RASEF: variants seen among roughly 807,000 people sequenced by gnomAD.
The protein encoded by RASEF is ras and EF-hand domain-containing protein.
RASEF carries 68 observed loss-of-function variants against 90.1 expected under a neutral mutation model. The ratio of observed to expected loss-of-function variants is 0.75; its 90% CI spans 0.62 to 0.92. The LOEUF (loss-of-function observed/expected upper bound fraction) is 0.92, where lower values mean the gene tolerates loss of function less well. Ranked by LOEUF, RASEF falls within the 40% of genes least tolerant of loss-of-function variation. RASEF has a pLI of 0.00. For missense variants in RASEF, 949 were observed against 937.2 expected (o/e 1.01, Z -0.16); for synonymous variants, 331 against 345.2 (o/e 0.96, Z 0.46).
chr9:83,201,457 C>T, the RASEF span, among the ~76,000 whole-genome samples: 1 of 152,134 alleles, frequency 6.6e-6, no homozygotes, highest in Admixed American at 6.5e-5. Context: ...GAGACACTCC[C>T]AAATAGTAAG....
the RASEF span, among the ~76,000 whole-genome samples, chr9:83,139,019 C>T: frequency 3.2e-4 from 48 of 152,172 alleles, no homozygotes; most frequent in East Asian, 8.9e-3. Flanking sequence ...ACATCAGGCT[C>T]TCTGTAAGTC....
intron 3 of RASEF, among the ~76,000 whole-genome samples, chr9:83,017,045 C>T (rs1829354312): frequency 6.6e-6 from 1 of 152,110 alleles, no homozygotes; most frequent in South Asian, 2.1e-4. Flanking sequence ...ACAATTTCTG[C>T]CTGCCTCACA....
intron 9 of RASEF, among the ~76,000 whole-genome samples, chr9:83,001,868 A>T (rs1423623203): frequency 6.6e-6 from 1 of 152,202 alleles, no homozygotes; most frequent in Non-Finnish European, 1.5e-5. Flanking sequence ...AAATGTTGAC[A>T]CACCGTCTGG....
the RASEF span, among the ~76,000 whole-genome samples, chr9:83,148,330 G>A: frequency 1.3e-5 from 2 of 152,292 alleles, no homozygotes; most frequent in Non-Finnish European, 2.9e-5. Context: ...GCCCCAGCAT[G>A]TAAGATGGGA....
intron 9 of RASEF, among the ~76,000 whole-genome samples, chr9:83,002,185 A>G (rs888774998): frequency 6.6e-6 from 1 of 152,216 alleles, no homozygotes; most frequent in Non-Finnish European, 1.5e-5. Flanking sequence ...AATGGGCACG[A>G]TACATAGGTC....
chr9:83,137,055 T>C, the RASEF span, among the ~76,000 whole-genome samples: 1 of 152,140 alleles, frequency 6.6e-6, no homozygotes, highest in Non-Finnish European at 1.5e-5. Flanking sequence ...TGTACTTCTT[T>C]ATTTCATATA....
chr9:83,167,161 C>T, the RASEF span, among the ~76,000 whole-genome samples: 2 of 151,930 alleles, frequency 1.3e-5, no homozygotes, highest in Admixed American at 6.6e-5. Context: ...AGAACAGTGC[C>T]TGACACAAAA....
At chr9:83,160,937 TG>T in the RASEF span, among the ~76,000 whole-genome samples, 1 of 152,190 alleles carries the variant, frequency 6.6e-6, no homozygotes, top group Non-Finnish European at 1.5e-5. Context: ...GTGTTGAGCC[TG>T]TAGGTGCACA....
chr9:83,056,209 G>GCAAGTACA (rs1830101413), intron 1 of RASEF, among the ~76,000 whole-genome samples: 2 of 152,154 alleles, frequency 1.3e-5, no homozygotes, highest in Non-Finnish European at 2.9e-5. Flanking sequence ...ATATTTACAA[G>GCAAGTACA]TTGAAGCAAT....
chr9:83,048,518 C>T, intron 1 of RASEF: 3 of 983,962 alleles, frequency 3.0e-6, no homozygotes, highest in African/African-American at 3.5e-5. Flanking sequence ...CAGTCCTGGG[C>T]ATACAGTGGA....
At chr9:83,149,249 G>A in the RASEF span, among the ~76,000 whole-genome samples, 1 of 152,182 alleles carries the variant, frequency 6.6e-6, no homozygotes, top group Non-Finnish European at 1.5e-5. Flanking sequence ...TACAGATATT[G>A]TGCCTGTCCT....
At chr9:83,028,007 T>C (rs1829577723) in intron 1 of RASEF, among the ~76,000 whole-genome samples, 1 of 152,138 alleles carries the variant, frequency 6.6e-6, no homozygotes. Context: ...GTTGTGACAG[T>C]AGCAACACTT....
rs774488135 is a variant in RASEF at position 83,062,525 on chromosome 9, G to GCGC, written c.340_342dup (p.Ala114dup). 2 of 1,608,638 alleles carry GCGC rather than the reference G, an allele frequency of 1.2e-6. No individual in the cohort carries two copies. Among genetic ancestry groups the GCGC allele is most frequent in the Non-Finnish European group, 1.7e-6 (2 of 1,178,076 alleles). On this transcript the variant is annotated inframe_insertion, in exon 1 of 17. Coordinates refer to ENST00000376447, the MANE Select transcript of RASEF (RefSeq NM_152573.4). ...CTCGCCGGGCCGCACGAGGTGGCCA[G>GCGC]CGCCGCCGCCGCGTCCTCGTCGCCT...
At chr9:83,079,497 C>T in the RASEF span, among the ~76,000 whole-genome samples, 1 of 152,148 alleles carries the variant, frequency 6.6e-6, no homozygotes, top group Non-Finnish European at 1.5e-5. Context: ...AACCAGAACT[C>T]TAAGAACTCA....
chr9:83,018,799 T>C (rs940717847), intron 3 of RASEF, among the ~76,000 whole-genome samples: 6 of 152,072 alleles, frequency 3.9e-5, no homozygotes, highest in African/African-American at 1.2e-4. Context: ...CAATGTAATA[T>C]TGGCATAACA....
At chr9:83,084,043 G>A in the RASEF span, among the ~76,000 whole-genome samples, 12 of 151,812 alleles carry the variant, frequency 7.9e-5, no homozygotes, top group Admixed American at 2.0e-4. Context: ...GGAATATTAC[G>A]CAAGCATCAA....
the RASEF span, among the ~76,000 whole-genome samples, chr9:83,088,884 T>C: frequency 7.9e-5 from 12 of 152,136 alleles, 1 homozygote; most frequent in South Asian, 1.7e-3. Flanking sequence ...AATGTCAGCC[T>C]TTTAAGTAGA....
At chr9:83,144,318 AG>A in the RASEF span, among the ~76,000 whole-genome samples, 1 of 115,876 alleles carries the variant, frequency 8.6e-6, no homozygotes, top group African/African-American at 3.5e-5. Flanking sequence ...ACTAAAAGAA[AG>A]AAAGAAGGAA....
chr9:83,189,905 A>T, the RASEF span, among the ~76,000 whole-genome samples: 2 of 152,196 alleles, frequency 1.3e-5, no homozygotes, highest in African/African-American at 4.8e-5. Flanking sequence ...ATCAAAGGGA[A>T]CCCAATTCCA....
Sources: gnomAD v4.1 joint callset for allele counts (sites outside exome capture counted in the v4.1 genomes callset) on GRCh38, gnomAD v4.1.1 for gene constraint, MANE v1.5 for transcripts, NCBI Gene and HGNC (gene_info 2026-07-23, HGNC 2026-07-21) for gene names.